Variants in DOK6 observed in about 807,000 individuals in gnomAD.
The protein encoded by DOK6 is docking protein 6.
In DOK6, 22 loss-of-function variants were observed where a neutral mutation model predicts 44.0. The observed-to-expected ratio is 0.50, with a 90% confidence interval of 0.36 to 0.71. The LOEUF is 0.71. DOK6 is among the 30% of genes least tolerant of loss of function. The pLI, the probability that DOK6 is intolerant of heterozygous loss-of-function variation, is 0.00. For missense variants in DOK6, 340 were observed against 416.4 expected (o/e 0.82, Z 1.60); for synonymous variants, 166 against 145.5 (o/e 1.14, Z -1.01).
intron 3 of DOK6, among the ~76,000 whole-genome samples, chr18:69,649,798 C>T (rs1431360451): frequency 6.6e-6 from 1 of 152,002 alleles, no homozygotes; most frequent in African/African-American, 2.4e-5. Context: ...GAGAAATGTG[C>T]AAGACCTAAA....
At chr18:69,493,454 C>A (rs1312303220) in intron 1 of DOK6, among the ~76,000 whole-genome samples, 1 of 152,108 alleles carries the variant, frequency 6.6e-6, no homozygotes, top group African/African-American at 2.4e-5. Context: ...AGATATTCAG[C>A]CTCAACCAGA....
intron 7 of DOK6, among the ~76,000 whole-genome samples, chr18:69,776,444 A>G (rs1411135066): frequency 6.6e-6 from 1 of 152,090 alleles, no homozygotes; most frequent in African/African-American, 2.4e-5. Context: ...AACTTATTAC[A>G]TATTGGAACT....
At chr18:69,461,731 G>T (rs1157201109) in intron 1 of DOK6, among the ~76,000 whole-genome samples, 1 of 152,048 alleles carries the variant, frequency 6.6e-6, no homozygotes, top group Admixed American at 6.5e-5. Flanking sequence ...TAGTCCTATT[G>T]TTGTTTGCTA....
chr18:69,441,534 A>C (rs1304259461), intron 1 of DOK6, among the ~76,000 whole-genome samples: 1 of 152,208 alleles, frequency 6.6e-6, no homozygotes, highest in Non-Finnish European at 1.5e-5. Flanking sequence ...AGAACCTTCA[A>C]GTCTATACTG....
intron 7 of DOK6, among the ~76,000 whole-genome samples, chr18:69,786,543 T>C (rs1263911297): frequency 6.6e-6 from 1 of 152,214 alleles, no homozygotes; most frequent in Non-Finnish European, 1.5e-5. Flanking sequence ...TCAATTAATT[T>C]TCCTCAGAAC....
intron 1 of DOK6, among the ~76,000 whole-genome samples, chr18:69,551,458 T>C (rs1982564141): frequency 6.6e-6 from 1 of 152,222 alleles, no homozygotes; most frequent in Non-Finnish European, 1.5e-5. Flanking sequence ...ATCTTGATTA[T>C]CATGTAGTCA....
chr18:69,669,244 C>T (rs1300688027), intron 3 of DOK6, among the ~76,000 whole-genome samples: 4 of 152,144 alleles, frequency 2.6e-5, no homozygotes, highest in East Asian at 1.9e-4. Context: ...TTGATCCTCT[C>T]CCTCCTCCCA....
intron 5 of DOK6, among the ~76,000 whole-genome samples, chr18:69,732,904 G>A (rs192018405): frequency 3.3e-5 from 5 of 152,262 alleles, no homozygotes; most frequent in Non-Finnish European, 5.9e-5. Flanking sequence ...ATCCGAGACC[G>A]GGTAATTTAT....
intron 2 of DOK6, among the ~76,000 whole-genome samples, chr18:69,586,868 G>C (rs1188218797): frequency 2.6e-5 from 4 of 152,114 alleles, no homozygotes; most frequent in Non-Finnish European, 4.4e-5. Flanking sequence ...CCCAGCCTCT[G>C]GGGGAGGCAC....
intron 6 of DOK6, among the ~76,000 whole-genome samples, chr18:69,741,838 G>A (rs1475505012): frequency 6.6e-6 from 1 of 152,108 alleles, no homozygotes; most frequent in African/African-American, 2.4e-5. Flanking sequence ...GTATGAAAGA[G>A]TGTTTAAATA....
At position 69,605,076 on chromosome 18, in the gene DOK6, T is replaced by TTGTGTGTGTG. The variant is rs71176987; in HGVS notation, c.289+5620_289+5629dup. Among the ~76,000 whole-genome samples the TTGTGTGTGTG allele has an allele frequency of 5.1e-3, 636 of 125,832 alleles. 6 individuals carry two copies. Among genetic ancestry groups the TTGTGTGTGTG allele is most frequent in the South Asian group, 0.013 (46 of 3,500 alleles). 82.6% of individuals were successfully genotyped at this position (125,832 alleles called of 152,430 possible). Reference sequence around the variant, plus strand: ...GAGACCCCTGTTAGGAGAGATCCCTTTGTGTGTGTGTGTGTGTGTGTGTGT... The same window carrying TTGTGTGTGTG: ...GAGACCCCTGTTAGGAGAGATCCCTTTGTGTGTGTGTGTGTGTGTGTGTGTGTGTGTGTGT... On this transcript the variant is annotated intron_variant, in intron 3 of 7. Transcript: ENST00000382713.
chr18:69,548,185 C>T (rs1250459464), intron 1 of DOK6, among the ~76,000 whole-genome samples: 1 of 150,916 alleles, frequency 6.6e-6, no homozygotes, highest in Non-Finnish European at 1.5e-5. Context: ...GATCTCCTGA[C>T]CTCATGATCC....
chr18:69,615,134 A>G (rs1433754327), intron 3 of DOK6, among the ~76,000 whole-genome samples: 1 of 152,190 alleles, frequency 6.6e-6, no homozygotes, highest in Non-Finnish European at 1.5e-5. Flanking sequence ...TTGCAAATAT[A>G]GTATATATAA....
At chr18:69,547,733 A>G (rs186050366) in intron 1 of DOK6, among the ~76,000 whole-genome samples, 2 of 150,910 alleles carry the variant, frequency 1.3e-5, no homozygotes, top group Non-Finnish European at 3.0e-5. Context: ...AGCCTCTGGT[A>G]ACCATCATTC....
intron 1 of DOK6, among the ~76,000 whole-genome samples, chr18:69,500,722 T>C (rs989253509): frequency 6.6e-6 from 1 of 152,200 alleles, no homozygotes; most frequent in South Asian, 2.1e-4. Context: ...GATAGATGTG[T>C]TCACCTTTAT....
chr18:69,495,600 A>G (rs1316125507), intron 1 of DOK6, among the ~76,000 whole-genome samples: 6 of 152,116 alleles, frequency 3.9e-5, no homozygotes, highest in Non-Finnish European at 8.8e-5. Flanking sequence ...GGGCCCAGAA[A>G]AGGCACCACA....
intron 3 of DOK6, among the ~76,000 whole-genome samples, chr18:69,609,884 G>C (rs1265446743): frequency 1.3e-5 from 2 of 152,146 alleles, no homozygotes; most frequent in Non-Finnish European, 2.9e-5. Context: ...CAACATGGAT[G>C]AATCTTGAGA....
At chr18:69,839,352 C>A (rs1445214831) in intron 7 of DOK6, among the ~76,000 whole-genome samples, 1 of 148,892 alleles carries the variant, frequency 6.7e-6, no homozygotes, top group Non-Finnish European at 1.5e-5. Context: ...CCTAGCCCCT[C>A]CCCTGGTCTA....
chr18:69,711,008 C>G (rs1159609169), intron 5 of DOK6, among the ~76,000 whole-genome samples: 1 of 152,160 alleles, frequency 6.6e-6, no homozygotes, highest in Non-Finnish European at 1.5e-5. Flanking sequence ...GGTTTGTCTG[C>G]TGTTACTCTT....
Sources: allele counts gnomAD v4.1 joint callset (sites outside exome capture counted in the v4.1 genomes callset), GRCh38; gene constraint gnomAD v4.1.1; transcripts MANE v1.5; gene names NCBI Gene and HGNC (gene_info 2026-07-23, HGNC 2026-07-21).